Variants in STK3 observed in about 807,000 individuals in gnomAD.
The protein encoded by STK3 is serine/threonine-protein kinase 3.
In STK3, 41 loss-of-function variants were observed where a neutral mutation model predicts 58.0. The observed-to-expected ratio is 0.71, with a 90% CI of 0.55 to 0.92. The LOEUF (loss-of-function observed/expected upper bound fraction) is 0.92. STK3 is among the 40% of genes least tolerant of loss of function. The pLI, the probability that STK3 is intolerant of heterozygous loss-of-function variation, is 0.00. For missense variants in STK3, 479 were observed against 602.7 expected (o/e 0.79, Z 2.15); for synonymous variants, 170 against 191.0 (o/e 0.89, Z 0.91).
At chr8:98,345,682 G>A in the STK3 span, among the ~76,000 whole-genome samples, 1 of 152,028 alleles carries the variant, frequency 6.6e-6, no homozygotes, top group African/African-American at 2.4e-5. Flanking sequence ...CTATAATGAG[G>A]AAAATAATTA....
Position 98,430,793 on chromosome 8 carries a change from T to A in STK3, n.483+3334A>T, listed in dbSNP as rs987780235. 3.0e-5 allele frequency: 5 copies of A among 167,056 alleles called. No homozygotes were observed. In the Admixed American group the frequency reaches 3.3e-4, roughly 11 times the overall value. The allele number at this position is 167,056 out of a possible 1,614,324, so 10.3% of individuals were successfully genotyped here. On this transcript the variant is annotated intron_variant and non_coding_transcript_variant, in intron 3 of 3. Coordinates refer to the STK3 transcript ENST00000517832. ...TGTAAAATAAAAAACTGCTAGTTCA[T>A]AAAATGTCATAAAAAATTGTAAACT...
In STK3 at chr8:98,854,674, G is replaced by A. The variant is rs2922080; in HGVS notation, c.110+28973C>T. 3.9e-3 allele frequency among the ~76,000 whole-genome samples: 597 copies of A among 152,020 alleles called. 15 individuals are homozygous for A. The East Asian group carries it at 0.087, about 22-fold the overall frequency. On this transcript the variant is annotated intron_variant, in intron 3 of 12. Coordinates refer to the STK3 transcript ENST00000523601. ...AACTTATACTCTGAAAACTAAAAACGTTCTGTAAAGAAATTAAAGAAGATC... is the reference window on the plus strand; with the variant it reads ...AACTTATACTCTGAAAACTAAAAACATTCTGTAAAGAAATTAAAGAAGATC...
intron 8 of STK3, among the ~76,000 whole-genome samples, chr8:98,561,902 T>C (rs1160130274): frequency 6.6e-6 from 1 of 152,048 alleles, no homozygotes; most frequent in Non-Finnish European, 1.5e-5. Context: ...CAAATAAGCA[T>C]ATAAAAAGAT....
chr8:98,654,680 T>C (rs1401738196), intron 6 of STK3, among the ~76,000 whole-genome samples: 1 of 152,234 alleles, frequency 6.6e-6, no homozygotes, highest in Non-Finnish European at 1.5e-5. Context: ...AGCATTCTTA[T>C]ACACCAATAA....
At chr8:98,397,544 C>T (rs144367101), downstream of STK3, among the ~76,000 whole-genome samples, 257 of 152,008 alleles carry the variant, frequency 1.7e-3, 1 homozygote, top group African/African-American at 5.9e-3. Flanking sequence ...TCAAAAAAGA[C>T]AAGAAAGAAA....
chr8:98,893,508 G>A (rs1459751985), intron 1 of STK3, among the ~76,000 whole-genome samples: 9 of 119,250 alleles, frequency 7.5e-5, no homozygotes, highest in African/African-American at 2.5e-4. Context: ...AAGAAAGAAA[G>A]AAAGAAAGAA....
At chr8:98,688,481 A>T (rs184647825) in intron 6 of STK3, among the ~76,000 whole-genome samples, 1 of 152,118 alleles carries the variant, frequency 6.6e-6, no homozygotes, top group Admixed American at 6.5e-5. Context: ...TTCTTCTCAT[A>T]TGTACATAGA....
At chr8:98,670,258 A>G (rs1284648940) in intron 6 of STK3, among the ~76,000 whole-genome samples, 1 of 151,928 alleles carries the variant, frequency 6.6e-6, no homozygotes, top group Non-Finnish European at 1.5e-5. Context: ...AGTACCAGCT[A>G]CTCCAGAGGC....
intron 10 of STK3, among the ~76,000 whole-genome samples, chr8:98,510,578 T>C (rs1403073247): frequency 6.6e-6 from 1 of 152,002 alleles, no homozygotes. Context: ...AATATTTAAA[T>C]GCAGTTTTTT....
intron 1 of STK3, among the ~76,000 whole-genome samples, chr8:98,914,225 C>A (rs1298100214): frequency 1.3e-5 from 2 of 151,994 alleles, no homozygotes; most frequent in Non-Finnish European, 2.9e-5. Context: ...GTGAGGCAGG[C>A]AGATCCCTTG....
chr8:98,852,529 C>T (rs1422471150), intron 3 of STK3, among the ~76,000 whole-genome samples: 1 of 152,202 alleles, frequency 6.6e-6, no homozygotes, highest in Non-Finnish European at 1.5e-5. Context: ...TATCCCTATA[C>T]CTATCTACTA....
intron 3 of STK3, among the ~76,000 whole-genome samples, chr8:98,764,460 T>C (rs867345410): frequency 4.3e-4 from 66 of 152,262 alleles, no homozygotes; most frequent in Admixed American, 5.2e-4. Flanking sequence ...ATAAAGATAG[T>C]GATGACATTT....
At chr8:98,810,560 T>C (rs1304721272) in intron 1 of STK3, among the ~76,000 whole-genome samples, 1 of 142,126 alleles carries the variant, frequency 7.0e-6, no homozygotes, top group Admixed American at 7.3e-5. Context: ...TATTGGCCAA[T>C]GTATACATTT....
intron 4 of STK3, among the ~76,000 whole-genome samples, chr8:98,736,693 C>T (rs1057262396): frequency 2.0e-5 from 3 of 152,126 alleles, no homozygotes; most frequent in Admixed American, 2.0e-4. Flanking sequence ...CAATTCCACA[C>T]ACAAAATAAA....
At chr8:98,442,543 G>C (rs931091475) in intron 1 of STK3, among the ~76,000 whole-genome samples, 1 of 152,258 alleles carries the variant, frequency 6.6e-6, no homozygotes, top group Non-Finnish European at 1.5e-5. Context: ...TAAGGACAGA[G>C]CAGAATGTCT....
chr8:98,875,231 C>T (rs769935724), intron 3 of STK3: 1 of 152,128 alleles, frequency 6.6e-6, no homozygotes, highest in Non-Finnish European at 1.5e-5. Context: ...ATCAAAAACT[C>T]AAATATCTAT....
chr8:98,482,749 G>A (rs1012359811), intron 10 of STK3, among the ~76,000 whole-genome samples: 1 of 152,046 alleles, frequency 6.6e-6, no homozygotes, highest in Non-Finnish European at 1.5e-5. Context: ...GACCTCCATG[G>A]TGAGTCAATT....
At chr8:98,390,742 CT>C (rs1306670678), upstream of STK3, among the ~76,000 whole-genome samples, 1 of 151,782 alleles carries the variant, frequency 6.6e-6, no homozygotes, top group East Asian at 1.9e-4. Context: ...GGTTTTTTCT[CT>C]GTTTTTTAGA....
intron 6 of STK3, chr8:98,633,570 T>C (rs1587100410): frequency 1.4e-6 from 1 of 738,996 alleles, no homozygotes; most frequent in Non-Finnish European, 2.5e-6. Flanking sequence ...GCTCTTCAGG[T>C]TCTCCTCTGT....
Sources: gnomAD v4.1 joint callset for allele counts (sites outside exome capture counted in the v4.1 genomes callset) on GRCh38, gnomAD v4.1.1 for gene constraint, MANE v1.5 for transcripts, NCBI Gene and HGNC (gene_info 2026-07-23, HGNC 2026-07-21) for gene names.